The following PRKN variants were observed in gnomAD, a reference collection of about 807,000 sequenced individuals.
PRKN encodes E3 ubiquitin-protein ligase parkin.
A neutral mutation model predicts 59.5 loss-of-function variants in PRKN; 56 were observed. That is an observed-to-expected ratio of 0.94 (90% CI 0.76 to 1.18). The LOEUF is 1.18. Among genes scored for constraint, PRKN ranks in the 50% most tolerant of loss-of-function variants. The pLI is 0.00. For missense variants in PRKN, 657 were observed against 596.4 expected, an observed-to-expected ratio of 1.10 and a Z score of -1.06; for synonymous variants, 250 against 222.1, an observed-to-expected ratio of 1.13 and a Z score of -1.12.
chr6:162,160,470 T>C (rs1269969534), intron 4 of PRKN, among the ~76,000 whole-genome samples: 1 of 152,158 alleles, frequency 6.6e-6, no homozygotes, highest in Non-Finnish European at 1.5e-5. Context: ...GACATGTTCA[T>C]TATGATAGCA....
intron 5 of PRKN, among the ~76,000 whole-genome samples, chr6:162,036,278 C>G (rs1247028034): frequency 6.6e-6 from 1 of 151,706 alleles, no homozygotes; most frequent in Non-Finnish European, 1.5e-5. Context: ...GAGCCGAGAT[C>G]ACGCCACTGC....
At chr6:162,420,594 C>T (rs1194780308) in intron 2 of PRKN, among the ~76,000 whole-genome samples, 3 of 152,208 alleles carry the variant, frequency 2.0e-5, no homozygotes, top group East Asian at 1.9e-4. Context: ...CTAGGAGATT[C>T]GGATACAGAC....
intron 4 of PRKN, among the ~76,000 whole-genome samples, chr6:162,089,228 A>C (rs555978060): frequency 6.6e-6 from 1 of 152,352 alleles, no homozygotes; most frequent in East Asian, 1.9e-4. Flanking sequence ...CAATTAAAAA[A>C]TGGGCAAAGA....
At chr6:161,540,529 C>G (rs562007630) in intron 9 of PRKN, among the ~76,000 whole-genome samples, 3 of 152,166 alleles carry the variant, frequency 2.0e-5, no homozygotes, top group Non-Finnish European at 4.4e-5. Flanking sequence ...AAAAGTCATA[C>G]TTTCATTAGT....
intron 6 of PRKN, among the ~76,000 whole-genome samples, chr6:161,911,453 G>A (rs911319499): frequency 5.3e-5 from 8 of 152,158 alleles, no homozygotes; most frequent in African/African-American, 1.9e-4. Context: ...TTCCGGGGTT[G>A]TTTTCTAGGC....
At position 161,566,596 on chromosome 6, in the gene PRKN, A is replaced by G. The variant is rs777145181; in HGVS notation, c.933+2759T>C. On this transcript the variant is annotated intron_variant, in intron 8 of 11. Coordinates refer to ENST00000366898, the MANE Select transcript of PRKN (RefSeq NM_004562.3). This position sits in a 1 kb window ranked among gnomAD's most constrained non-coding sequence, Gnocchi z 4.1. ...TAACTTCTGTATTTTTAGTAGAGAC[A>G]GGGTTTCGCCATGTTGGTCAGGCTG... Among the ~76,000 whole-genome samples, 2 of 152,110 alleles carry G rather than the reference A, an allele frequency of 1.3e-5. No homozygotes were observed. Among genetic ancestry groups the G allele is most frequent in the Non-Finnish European group, 2.9e-5 (2 of 68,014 alleles).
chr6:162,530,500 C>T (rs1301412242), intron 1 of PRKN, among the ~76,000 whole-genome samples: 1 of 152,160 alleles, frequency 6.6e-6, no homozygotes, highest in Admixed American at 6.5e-5. Flanking sequence ...CCACCATTAC[C>T]AGCCATTTCC....
chr6:162,028,879 A>G (rs1783536620), intron 5 of PRKN, among the ~76,000 whole-genome samples: 1 of 152,238 alleles, frequency 6.6e-6, no homozygotes, highest in Non-Finnish European at 1.5e-5. Flanking sequence ...AACATGGCAC[A>G]AGCCATGTGG....
intron 2 of PRKN, among the ~76,000 whole-genome samples, chr6:162,344,858 T>C (rs1283582497): frequency 6.6e-6 from 1 of 152,174 alleles, no homozygotes; most frequent in Non-Finnish European, 1.5e-5. Flanking sequence ...TTGGTTTGGG[T>C]TGAAGCAGTT....
At chr6:162,018,394 T>G (rs187353248) in intron 5 of PRKN, among the ~76,000 whole-genome samples, 50 of 152,280 alleles carry the variant, frequency 3.3e-4, no homozygotes, top group Middle Eastern at 6.8e-3. Context: ...CAAATGCACA[T>G]GTGCTCATAT....
chr6:161,636,321 G>A, intron 7 of PRKN, among the ~76,000 whole-genome samples: 1 of 152,236 alleles, frequency 6.6e-6, no homozygotes. Context: ...AGAAAGGGCT[G>A]GCAGGGGCCA....
chr6:161,992,090 A>G (rs893234399), intron 5 of PRKN, among the ~76,000 whole-genome samples: 1 of 152,174 alleles, frequency 6.6e-6, no homozygotes, highest in African/African-American at 2.4e-5. Context: ...CTGTAATCCC[A>G]GCACTTGGGA....
intron 2 of PRKN, among the ~76,000 whole-genome samples, chr6:162,400,454 T>TGTA (rs1787720564): frequency 1.2e-4 from 1 of 8,590 alleles, no homozygotes. Flanking sequence ...AACATGTAAA[T>TGTA]ATCAAAAAAA....
intron 6 of PRKN, among the ~76,000 whole-genome samples, chr6:161,807,033 G>A (rs541680135): frequency 6.6e-5 from 10 of 152,202 alleles, no homozygotes; most frequent in South Asian, 6.2e-4. Context: ...TTTGATTTGC[G>A]CTGTAAGTGT....
At position 161,785,878 on chromosome 6, in the gene PRKN, G is replaced by C; in HGVS notation, c.765C>G (p.Ser255=). ...RSPVLVFQCN[S]RHVICLDCFH... is the part of the protein sequence containing the mutation. ...AACAGTCTAAGCAAATCACGTGGCGGGAGTTGCACTGGAAAACCAGGACGG... is the reference window on the plus strand; with the variant it reads ...AACAGTCTAAGCAAATCACGTGGCGCGAGTTGCACTGGAAAACCAGGACGG... Residue 255 remains serine (S), a synonymous_variant, in exon 7 of 12, where the codon TCC becomes TCG. Transcript: ENST00000366898. 2 of 1,614,062 alleles carry C rather than the reference G, an allele frequency of 1.2e-6. No homozygotes were observed.
At chr6:162,021,341 T>C (rs1421331092) in intron 5 of PRKN, among the ~76,000 whole-genome samples, 1 of 146,884 alleles carries the variant, frequency 6.8e-6, no homozygotes, top group African/African-American at 2.5e-5. Context: ...TTTCAAATAA[T>C]TGGTCAGTAC....
chr6:161,782,669 G>A (rs913362712), intron 7 of PRKN, among the ~76,000 whole-genome samples: 5 of 150,480 alleles, frequency 3.3e-5, no homozygotes, highest in Middle Eastern at 3.5e-3. Context: ...TGAGGTGGGC[G>A]GATCACCTGA....
chr6:162,553,660 G>A (rs1779422380), intron 1 of PRKN, among the ~76,000 whole-genome samples: 1 of 151,732 alleles, frequency 6.6e-6, no homozygotes, highest in African/African-American at 2.4e-5. Flanking sequence ...GTGGGTAACT[G>A]GGCGTGGTGG....
intron 2 of PRKN, among the ~76,000 whole-genome samples, chr6:162,430,160 A>T (rs1022468772): frequency 5.3e-4 from 72 of 136,580 alleles, no homozygotes; most frequent in African/African-American, 2.0e-3. Flanking sequence ...GATGACGATG[A>T]CGACGACGAC....
Sources: allele counts gnomAD v4.1 joint callset (sites outside exome capture counted in the v4.1 genomes callset), GRCh38; gene constraint gnomAD v4.1.1; non-coding constraint Gnocchi (gnomAD v3.1); transcripts MANE v1.5; gene names NCBI Gene and HGNC (gene_info 2026-07-23, HGNC 2026-07-21).